The following ITGA4 variants were observed in gnomAD, a reference collection of about 807,000 sequenced individuals.
ITGA4 encodes the protein integrin alpha-4.
ITGA4 carries 63 observed loss-of-function variants against 133.6 expected under a neutral mutation model. The observed-to-expected ratio is 0.47, with a 90% CI of 0.38 to 0.58. The LOEUF (loss-of-function observed/expected upper bound fraction) is 0.58, where lower values mean the gene tolerates loss of function less well. Among genes scored for constraint, ITGA4 ranks in the 20% least tolerant of loss-of-function variants. The pLI is 0.00. For missense variants in ITGA4, 1,076 were observed against 1,252.7 expected, an observed-to-expected ratio of 0.86 and a Z score of 2.13; for synonymous variants, 483 against 438.0, an observed-to-expected ratio of 1.10 and a Z score of -1.28.
chr2:181,476,947 T>C (rs155087), intron 4 of ITGA4, among the ~76,000 whole-genome samples: 116,313 of 152,010 alleles, frequency 0.77, 44,808 homozygotes, highest in Admixed American at 0.85. Context: ...GGACACAAAG[T>C]AGGCACAAAC....
In ITGA4 at chr2:181,491,256, C is replaced by CA. The variant is rs145466220; in HGVS notation, c.1154-2069_1154-2068insA. On this transcript the variant is annotated intron_variant, in intron 10 of 27. Transcript: ENST00000397033. ...ATAACAGGTACTGTAAGAATTACAT[C>CA]GCCGGGCGCGGTGGCTCACGCCTGT... is the stretch of plus-strand genomic sequence containing the variant. Among the ~76,000 whole-genome samples, 4 of 21,388 alleles carry CA rather than the reference C, an allele frequency of 1.9e-4. 2 individuals are homozygous for CA. Among genetic ancestry groups the CA allele is most frequent in the East Asian group, 3.6e-3 (2 of 550 alleles). 14.0% of individuals were successfully genotyped at this position (21,388 alleles called of 152,430 possible). A position where few individuals can be genotyped will look rare whatever the true frequency, so the allele number is the denominator to read the frequency against.
chr2:181,491,735 CCTT>C (rs1553505960), intron 10 of ITGA4, among the ~76,000 whole-genome samples: 3 of 152,130 alleles, frequency 2.0e-5, no homozygotes, highest in Non-Finnish European at 4.4e-5. Context: ...TTTCCCCACT[CCTT>C]CTTCTCACAT....
chr2:181,490,808 G>A (rs748954266), intron 10 of ITGA4, among the ~76,000 whole-genome samples: 2 of 152,156 alleles, frequency 1.3e-5, no homozygotes, highest in Non-Finnish European at 2.9e-5. Flanking sequence ...TCTGCACAAA[G>A]TCCATATCAC....
chr2:181,531,110 A>G (rs1478226416), intron 24 of ITGA4, among the ~76,000 whole-genome samples: 2 of 145,290 alleles, frequency 1.4e-5, no homozygotes, highest in Admixed American at 6.8e-5. Context: ...GCAAGACTCC[A>G]TCTCAAAAAG....
In ITGA4 at chr2:181,537,809, C is replaced by T. The variant is rs554170067; in HGVS notation, c.*2282C>T. ...GATATTTCATCTTGACTTTTAAAGCCCTAGAGGCTAATTGTTAGTAACATC... is the reference window on the plus strand; with the variant it reads ...GATATTTCATCTTGACTTTTAAAGCTCTAGAGGCTAATTGTTAGTAACATC... On this transcript the variant is annotated 3_prime_UTR_variant, in exon 28 of 28. Transcript: ENST00000397033. 2.7e-4 allele frequency: 126 copies of T among 470,484 alleles called. No individual in the cohort carries two copies. The highest frequency in any genetic ancestry group is 2.4e-3 in the African/African-American group (122 of 50,846). 29.1% of individuals were successfully genotyped at this position (470,484 alleles called of 1,614,324 possible). A position where few individuals can be genotyped will look rare whatever the true frequency, so the allele number is the denominator to read the frequency against.
intron 4 of ITGA4, among the ~76,000 whole-genome samples, chr2:181,478,328 G>A (rs77263992): frequency 0.041 from 6,307 of 152,154 alleles, 191 homozygotes; most frequent in Non-Finnish European, 0.064. Flanking sequence ...TTTGCCAAGA[G>A]AGTAGATTTC....
rs139634903 is a variant in ITGA4, at chr2:181,468,793, A to G, written c.320-6167A>G. Among the ~76,000 whole-genome samples, 208 of 152,316 alleles carry G rather than the reference A, an allele frequency of 1.4e-3. 2 individuals carry two copies. Among genetic ancestry groups the G allele is most frequent in the Middle Eastern group, 0.01 (3 of 294 alleles). On this transcript the variant is annotated intron_variant, in intron 2 of 27. Transcript: ENST00000397033. Reference sequence around the variant, plus strand: ...TCTTTCCCAAATTAAAAAAAATAGGAAAGAGAAAGGCTTAAAAGGAGATGG... The same window carrying G: ...TCTTTCCCAAATTAAAAAAAATAGGGAAGAGAAAGGCTTAAAAGGAGATGG...
At chr2:181,468,630 T>A (rs976545884) in intron 2 of ITGA4, among the ~76,000 whole-genome samples, 4 of 151,806 alleles carry the variant, frequency 2.6e-5, no homozygotes, top group African/African-American at 9.7e-5. Flanking sequence ...GGGGGAGGAG[T>A]AAAGAATGTA....
chr2:181,462,445 T>C (rs960259085), intron 2 of ITGA4, among the ~76,000 whole-genome samples: 1 of 152,218 alleles, frequency 6.6e-6, no homozygotes, highest in African/African-American at 2.4e-5. Context: ...ACTTGATTCA[T>C]AGGAGTTATT....
At chr2:181,528,360 T>C (rs1382385882) in intron 22 of ITGA4, among the ~76,000 whole-genome samples, 8 of 152,246 alleles carry the variant, frequency 5.3e-5, no homozygotes, top group Non-Finnish European at 1.2e-4. Context: ...TGTGCTTTGA[T>C]AAACTAAAAC....
intron 15 of ITGA4, among the ~76,000 whole-genome samples, chr2:181,499,735 T>G (rs1188139947): frequency 6.6e-6 from 1 of 152,226 alleles, no homozygotes; most frequent in Admixed American, 6.5e-5. Flanking sequence ...AGAATATTAA[T>G]GTAACCATCA....
chr2:181,474,880 C>T, intron 2 of ITGA4, 80 bp from the exon 3 acceptor site: 2 of 967,028 alleles, frequency 2.1e-6, no homozygotes, highest in Non-Finnish European at 3.2e-6. Context: ...CAGAAAAATA[C>T]TGGGGATGAG....
chr2:181,493,429 T>A lies in ITGA4; in HGVS notation c.1248+10T>A. The A allele has an allele frequency of 6.5e-7, 1 of 1,540,266 alleles. No individual in the cohort carries two copies. The highest frequency in any genetic ancestry group is 8.9e-7 in the Non-Finnish European group (1 of 1,119,964). On this transcript the variant is annotated intron_variant, in intron 11 of 27. Coordinates refer to ENST00000397033, the MANE Select transcript of ITGA4 (RefSeq NM_000885.6). Reference sequence around the variant, plus strand: ...GTCAACCTTCTCACAGGTAAGGTACTATTCTATTTCCAAAAGAAGCATTGG... The same window carrying A: ...GTCAACCTTCTCACAGGTAAGGTACAATTCTATTTCCAAAAGAAGCATTGG...
intron 2 of ITGA4, among the ~76,000 whole-genome samples, chr2:181,473,773 T>G (rs1685610106): frequency 6.6e-6 from 1 of 152,128 alleles, no homozygotes; most frequent in Non-Finnish European, 1.5e-5. Flanking sequence ...TCAAGACCAG[T>G]ATGGGTAACA....
intron 2 of ITGA4, among the ~76,000 whole-genome samples, chr2:181,468,350 T>G (rs961211554): frequency 6.6e-6 from 1 of 152,202 alleles, no homozygotes; most frequent in Non-Finnish European, 1.5e-5. Context: ...CTTAGATCTC[T>G]GAGAGTTTGG....
chr2:181,462,459 T>C (rs1211833780), intron 2 of ITGA4, among the ~76,000 whole-genome samples: 7 of 152,224 alleles, frequency 4.6e-5, no homozygotes, highest in Non-Finnish European at 7.3e-5. Flanking sequence ...AGTTATTAGC[T>C]TAACATTAAA....
chr2:181,534,091 ATATAAAT>A (rs1230620055), intron 25 of ITGA4, among the ~76,000 whole-genome samples, 174 bp from the exon 26 acceptor site: 1 of 152,206 alleles, frequency 6.6e-6, no homozygotes, highest in Non-Finnish European at 1.5e-5. Context: ...AAATGATACT[ATATAAAT>A]TAATACCAAG....
At chr2:181,507,726 A>G (rs1686422442) in intron 15 of ITGA4, among the ~76,000 whole-genome samples, 1 of 152,136 alleles carries the variant, frequency 6.6e-6, no homozygotes, top group Non-Finnish European at 1.5e-5. Context: ...CTATGTAAAT[A>G]CTTGTTATAC....
intron 5 of ITGA4, 197 bp downstream of exon 5, chr2:181,479,021 G>A (rs1233646156): frequency 8.0e-6 from 3 of 376,224 alleles, no homozygotes; most frequent in Non-Finnish European, 9.8e-6. Context: ...TATTTAGGTG[G>A]CTATACTGCA....
Sources: allele counts gnomAD v4.1 joint callset (sites outside exome capture counted in the v4.1 genomes callset), GRCh38; gene constraint gnomAD v4.1.1; transcripts MANE v1.5; gene names NCBI Gene and HGNC (gene_info 2026-07-23, HGNC 2026-07-21).